The following CDH4 variants were observed in gnomAD, a reference collection of about 807,000 sequenced individuals.
The protein encoded by CDH4 is cadherin 4.
In CDH4, 33 loss-of-function variants were observed where a neutral mutation model predicts 86.0. That is an observed-to-expected ratio of 0.38 (90% CI 0.29 to 0.51). The LOEUF (loss-of-function observed/expected upper bound fraction) is 0.51. Among genes scored for constraint, CDH4 ranks in the 20% least tolerant of loss-of-function variants. The pLI is 0.86. For synonymous variants in CDH4, 555 were observed against 549.4 expected, an observed-to-expected ratio of 1.01 and a Z score of -0.14; for missense variants, 1,114 against 1,307.4, an observed-to-expected ratio of 0.85 and a Z score of 2.28.
At chr20:61,924,918 G>C (rs1260857138) in intron 11 of CDH4, among the ~76,000 whole-genome samples, 3 of 152,206 alleles carry the variant, frequency 2.0e-5, no homozygotes, top group Non-Finnish European at 4.4e-5. Context: ...CTTTCAGCCG[G>C]CAGCCCTTGC....
chr20:61,353,032 C>T lies in CDH4; in HGVS notation c.169+98095C>T, dbSNP rs146056516. Among the ~76,000 whole-genome samples the T allele has an allele frequency of 5.4e-3, 827 of 152,286 alleles. 3 individuals carry two copies. Among genetic ancestry groups the T allele is most frequent in the African/African-American group, 0.018 (752 of 41,574 alleles). ...CTGGGGACCCCACGGGCCCCATCTC[C>T]TCCCCTCCCCTCTCTTAGCTCCGCA... On this transcript the variant is annotated intron_variant, in intron 2 of 15. Coordinates refer to ENST00000614565, the MANE Select transcript of CDH4 (RefSeq NM_001794.5).
chr20:61,657,979 C>G (rs1176012739), intron 2 of CDH4, among the ~76,000 whole-genome samples: 1 of 152,076 alleles, frequency 6.6e-6, no homozygotes, highest in African/African-American at 2.4e-5. Flanking sequence ...TGCTTTATGA[C>G]CCTTTACTGG....
intron 8 of CDH4, among the ~76,000 whole-genome samples, chr20:61,899,019 G>A (rs7274320): frequency 0.047 from 7,196 of 152,164 alleles, 411 homozygotes; most frequent in African/African-American, 0.14. Flanking sequence ...AGGGAGGGCC[G>A]GGCGCAGTGG....
chr20:61,527,315 T>G (rs1035861847), intron 2 of CDH4, among the ~76,000 whole-genome samples: 4 of 151,902 alleles, frequency 2.6e-5, no homozygotes, highest in African/African-American at 9.7e-5. Context: ...CAGTGGCAAA[T>G]CTTGGCTCAC....
chr20:61,347,855 G>A (rs1198216680), intron 2 of CDH4, among the ~76,000 whole-genome samples: 2 of 152,208 alleles, frequency 1.3e-5, no homozygotes, highest in African/African-American at 4.8e-5. Flanking sequence ...GAAGCATGGC[G>A]TTTGAACCGT....
chr20:61,423,485 C>T (rs1464864671), intron 2 of CDH4, among the ~76,000 whole-genome samples: 5 of 152,176 alleles, frequency 3.3e-5, no homozygotes, highest in Non-Finnish European at 7.4e-5. Flanking sequence ...AACAGAGACT[C>T]AATATGGTAG....
chr20:61,396,514 C>T (rs1287627791), intron 2 of CDH4, among the ~76,000 whole-genome samples: 2 of 152,230 alleles, frequency 1.3e-5, no homozygotes, highest in African/African-American at 4.8e-5. Context: ...AGCACAGGTT[C>T]CTGCCCTCAC....
intron 2 of CDH4, among the ~76,000 whole-genome samples, chr20:61,620,153 T>TCATACA (rs2086758022): frequency 5.5e-4 from 1 of 1,818 alleles, no homozygotes; most frequent in African/African-American, 2.4e-3. Context: ...GGAAAGATGG[T>TCATACA]TTGGATGGAT....
intron 2 of CDH4, among the ~76,000 whole-genome samples, chr20:61,691,416 G>C (rs182689875): frequency 7.1e-4 from 107 of 151,476 alleles, no homozygotes; most frequent in African/African-American, 2.5e-3. Context: ...TGGATGTGTG[G>C]ATGTGTGTGT....
At chr20:61,884,644 C>T (rs1211586361) in intron 7 of CDH4, among the ~76,000 whole-genome samples, 1 of 152,124 alleles carries the variant, frequency 6.6e-6, no homozygotes, top group Admixed American at 6.5e-5. Flanking sequence ...GAGCCCTCCG[C>T]ACCCCCGGAC....
intron 2 of CDH4, among the ~76,000 whole-genome samples, chr20:61,431,900 C>CT (rs993502125): frequency 3.3e-5 from 5 of 152,108 alleles, no homozygotes; most frequent in African/African-American, 1.2e-4. Context: ...AGGGAATATA[C>CT]TTTTTTGTGC....
In CDH4 at chr20:61,544,078, G is replaced by A. The variant is rs2086059130; in HGVS notation, c.170-199485G>A. 6.6e-6 allele frequency among the ~76,000 whole-genome samples: 1 copy of A among 152,190 alleles called. No individual in the cohort carries two copies. The highest frequency in any genetic ancestry group is 1.5e-5 in the Non-Finnish European group (1 of 68,026). ...CCTGGCTCTTGGCACTAAGGTCCTT[G>A]GAGGCTGCCCCACGCCCCCTGGCCC... is the stretch of plus-strand genomic sequence containing the variant. On this transcript the variant is annotated intron_variant, in intron 2 of 15. Coordinates refer to ENST00000614565, the MANE Select transcript of CDH4 (RefSeq NM_001794.5). The surrounding 1 kb of genome is among the most constrained non-coding windows in gnomAD (Gnocchi z 6.5).
chr20:61,584,611 G>A (rs1278576715), intron 2 of CDH4, among the ~76,000 whole-genome samples: 1 of 152,118 alleles, frequency 6.6e-6, no homozygotes, highest in East Asian at 1.9e-4. Flanking sequence ...GGGGCACCTC[G>A]GTTGAATAAA....
chr20:61,404,563 T>C (rs2085069576), intron 2 of CDH4, among the ~76,000 whole-genome samples: 1 of 152,100 alleles, frequency 6.6e-6, no homozygotes, highest in Admixed American at 6.6e-5. Flanking sequence ...CCGACGCCAC[T>C]TGCATTGAGG....
intron 2 of CDH4, among the ~76,000 whole-genome samples, chr20:61,293,631 T>C (rs903109197): frequency 2.0e-5 from 3 of 152,150 alleles, no homozygotes; most frequent in African/African-American, 7.2e-5. Flanking sequence ...AGACCCTGGG[T>C]GTGACTTGTG....
chr20:61,325,493 G>A (rs961646425), intron 2 of CDH4, among the ~76,000 whole-genome samples: 7 of 152,072 alleles, frequency 4.6e-5, no homozygotes, highest in South Asian at 2.1e-4. Flanking sequence ...ATGTCAGAAC[G>A]GGAGGGGTGT....
intron 2 of CDH4, among the ~76,000 whole-genome samples, chr20:61,409,802 A>G (rs1281805810): frequency 6.6e-6 from 1 of 152,270 alleles, no homozygotes; most frequent in East Asian, 1.9e-4. Flanking sequence ...CCAAAGAAAT[A>G]TGACAATAGG....
At chr20:61,706,753 T>C (rs1002152286) in intron 2 of CDH4, among the ~76,000 whole-genome samples, 31 of 152,058 alleles carry the variant, frequency 2.0e-4, no homozygotes, top group African/African-American at 7.2e-4. Flanking sequence ...GGAACAGTGG[T>C]TGGGAATCTC....
intron 6 of CDH4, among the ~76,000 whole-genome samples, chr20:61,864,212 C>G (rs1324704091): frequency 1.3e-5 from 2 of 152,162 alleles, no homozygotes; most frequent in Non-Finnish European, 2.9e-5. Context: ...CTGGAAGGGC[C>G]AGGGCAGGGC....
Sources: gnomAD v4.1 joint callset for allele counts (sites outside exome capture counted in the v4.1 genomes callset) on GRCh38, gnomAD v4.1.1 for gene constraint, Gnocchi (gnomAD v3.1) non-coding constraint, MANE v1.5 for transcripts, NCBI Gene and HGNC (gene_info 2026-07-23, HGNC 2026-07-21) for gene names.